Variants in HACD3 observed in about 807,000 individuals in gnomAD.
The protein encoded by HACD3 is 3-hydroxyacyl-CoA dehydratase 3, also known as very-long-chain (3R)-3-hydroxyacyl-CoA dehydratase 3.
HACD3 carries 30 observed loss-of-function variants against 55.2 expected under a neutral mutation model. The observed-to-expected ratio is 0.54, with a 90% CI of 0.41 to 0.74. The LOEUF (loss-of-function observed/expected upper bound fraction) is 0.74. HACD3 is among the 30% of genes least tolerant of loss of function. HACD3 has a pLI of 0.00. For missense variants in HACD3, 363 were observed against 440.1 expected (o/e 0.82, Z 1.57); for synonymous variants, 141 against 151.7 (o/e 0.93, Z 0.52).
chr15:65,572,950 TAAA>T (rs397959532), intron 10 of HACD3, among the ~76,000 whole-genome samples: 1 of 140,824 alleles, frequency 7.1e-6, no homozygotes, highest in African/African-American at 2.6e-5. Context: ...AAATAAAAAT[TAAA>T]AAAAAAAAAG....
chr15:65,557,331 C>T (rs1266415921), intron 4 of HACD3, among the ~76,000 whole-genome samples: 2 of 152,004 alleles, frequency 1.3e-5, no homozygotes, highest in South Asian at 2.1e-4. Context: ...AAAAATTAGC[C>T]GGGCGTGGTG....
chr15:65,569,755 T>G (rs1449060065), intron 7 of HACD3, among the ~76,000 whole-genome samples: 1 of 152,232 alleles, frequency 6.6e-6, no homozygotes, highest in East Asian at 1.9e-4. Flanking sequence ...TAGTAGTTAT[T>G]TATAGGGGTC....
At chr15:65,535,635 C>T (rs1396445081) in intron 1 of HACD3, 2 of 400,812 alleles carry the variant, frequency 5.0e-6, no homozygotes, top group Middle Eastern at 1.3e-3. Flanking sequence ...TGGAATAGTT[C>T]AGATTTTTTC....
chr15:65,563,806 C>T (rs1171516102), intron 6 of HACD3, among the ~76,000 whole-genome samples: 1 of 152,126 alleles, frequency 6.6e-6, no homozygotes, highest in East Asian at 1.9e-4. Context: ...CCCATCTCTA[C>T]TAAAATTACA....
At chr15:65,539,755 T>C (rs893900557) in intron 1 of HACD3, among the ~76,000 whole-genome samples, 3 of 152,214 alleles carry the variant, frequency 2.0e-5, no homozygotes, top group South Asian at 4.1e-4. Flanking sequence ...ATTTATACAA[T>C]GGCACACTGT....
intron 1 of HACD3, among the ~76,000 whole-genome samples, chr15:65,531,699 G>C (rs1365105416): frequency 6.6e-6 from 1 of 151,920 alleles, no homozygotes; most frequent in Non-Finnish European, 1.5e-5. Flanking sequence ...CCGAGTAGCT[G>C]GGATTATAGA....
At chr15:65,543,911 T>A (rs925969734) in intron 1 of HACD3, among the ~76,000 whole-genome samples, 5 of 152,130 alleles carry the variant, frequency 3.3e-5, no homozygotes, top group African/African-American at 1.2e-4. Context: ...GCGTGGTGGA[T>A]CACACCTGTA....
intron 7 of HACD3, among the ~76,000 whole-genome samples, chr15:65,568,663 T>G (rs889536506): frequency 6.6e-6 from 1 of 152,056 alleles, no homozygotes; most frequent in African/African-American, 2.4e-5. Context: ...CCAGCCATTA[T>G]GTGTATTTTA....
At chr15:65,564,950 C>G (rs1022855405) in intron 7 of HACD3, 2 of 152,246 alleles carry the variant, frequency 1.3e-5, no homozygotes, top group African/African-American at 4.8e-5. Flanking sequence ...CTAGTTACTT[C>G]CTAGATACAA....
chr15:65,542,871 A>C (rs2456010), intron 1 of HACD3, among the ~76,000 whole-genome samples: 142,812 of 152,002 alleles, frequency 0.94, 67,096 homozygotes, highest in Admixed American at 0.96. Flanking sequence ...GTCAAGAGAT[A>C]GAGACCATCC....
rs408494 is a variant in HACD3, at chr15:65,557,271, A to G, written c.369+368A>G. 2.0e-5 allele frequency among the ~76,000 whole-genome samples: 3 copies of G among 152,152 alleles called. No individual in the cohort carries two copies. In the East Asian group the frequency reaches 5.8e-4, roughly 29 times the overall value. On this transcript the variant is annotated intron_variant, in intron 4 of 10. Coordinates refer to ENST00000261875, the MANE Select transcript of HACD3 (RefSeq NM_016395.4). ...TGCGTGGATCACGAGGTCAGGAGATAGAGACCATCCTGGCTAGCACAGTGA... is the reference window on the plus strand; with the variant it reads ...TGCGTGGATCACGAGGTCAGGAGATGGAGACCATCCTGGCTAGCACAGTGA...
chr15:65,544,135 C>G (rs2072049613), intron 1 of HACD3, among the ~76,000 whole-genome samples: 1 of 152,074 alleles, frequency 6.6e-6, no homozygotes, highest in Non-Finnish European at 1.5e-5. Context: ...CGAGATTACG[C>G]CACTGCACTC....
Position 65,570,076 on chromosome 15 carries a change from G to T in HACD3, c.661-15G>T. On this transcript the variant is annotated splice_polypyrimidine_tract_variant and intron_variant, in intron 7 of 10. Coordinates refer to ENST00000261875, the MANE Select transcript of HACD3 (RefSeq NM_016395.4). ...TTTTATTAACTTTTTTCTCTCTTTT[G>T]GGTCTTTCTAATAGCTTCTTGGAAG... is the stretch of plus-strand genomic sequence containing the variant. The T allele has an allele frequency of 1.3e-6, 2 of 1,502,822 alleles. No individual in the cohort carries two copies. The highest frequency in any genetic ancestry group is 1.8e-6 in the Non-Finnish European group (2 of 1,090,642). The allele number at this position is 1,502,822 out of a possible 1,614,324, so 93.1% of individuals were successfully genotyped here. A position where few individuals can be genotyped will look rare whatever the true frequency, so the allele number is the denominator to read the frequency against.
At chr15:65,541,698 A>G (rs2072020463) in intron 1 of HACD3, among the ~76,000 whole-genome samples, 1 of 152,218 alleles carries the variant, frequency 6.6e-6, no homozygotes, top group African/African-American at 2.4e-5. Flanking sequence ...TAATTTTACC[A>G]TGGTCTCATA....
At chr15:65,537,423 G>A (rs1470792194) in intron 1 of HACD3, among the ~76,000 whole-genome samples, 2 of 152,006 alleles carry the variant, frequency 1.3e-5, no homozygotes, top group African/African-American at 2.4e-5. Context: ...TTTGTTAGGG[G>A]CTAATGCAGC....
At chr15:65,562,356 G>T (rs2072251854) in intron 5 of HACD3, among the ~76,000 whole-genome samples, 1 of 152,162 alleles carries the variant, frequency 6.6e-6, no homozygotes, top group African/African-American at 2.4e-5. Context: ...GTCATAGAGG[G>T]AGATTCTGTT....
rs570517381 is a variant in HACD3 at position 65,577,199 on chromosome 15, A to C, written c.*820A>C. 2 of 152,330 alleles carry C rather than the reference A, an allele frequency of 1.3e-5. No individual in the cohort carries two copies. Among genetic ancestry groups the C allele is most frequent in the East Asian group, 3.9e-4 (2 of 5,176 alleles). 9.4% of individuals were successfully genotyped at this position (152,330 alleles called of 1,614,324 possible). ...CAGCACTTTGGGACACCTAGGTGGG[A>C]GCATCGCTTGAAGCCAGGAGTTCAA... On this transcript the variant is annotated 3_prime_UTR_variant, in exon 11 of 11. Transcript: ENST00000261875.
chr15:65,557,740 CATTT>C (rs1377280078), intron 4 of HACD3, among the ~76,000 whole-genome samples: 4 of 152,098 alleles, frequency 2.6e-5, no homozygotes, highest in African/African-American at 9.7e-5. Context: ...TATTGTCTCC[CATTT>C]ATTTATTCAA....
intron 1 of HACD3, among the ~76,000 whole-genome samples, chr15:65,545,433 A>G (rs913660101): frequency 6.6e-6 from 1 of 152,138 alleles, no homozygotes; most frequent in Non-Finnish European, 1.5e-5. Flanking sequence ...AGAGGAATGC[A>G]TGAACCTGGA....
Sources: gnomAD v4.1 joint callset for allele counts (sites outside exome capture counted in the v4.1 genomes callset) on GRCh38, gnomAD v4.1.1 for gene constraint, MANE v1.5 for transcripts, NCBI Gene and HGNC (gene_info 2026-07-23, HGNC 2026-07-21) for gene names.